LRRC4C: variants seen among roughly 807,000 people sequenced by gnomAD.
LRRC4C encodes the protein leucine-rich repeat-containing protein 4C.
LRRC4C carries 5 observed loss-of-function variants against 33.6 expected under a neutral mutation model. The observed-to-expected ratio is 0.15, with a 90% CI of 0.08 to 0.31. LRRC4C has a LOEUF of 0.31. Ranked by LOEUF, LRRC4C falls within the 10% of genes least tolerant of loss-of-function variation. The pLI, the probability that LRRC4C is intolerant of heterozygous loss-of-function variation, is 1.00. For synonymous variants in LRRC4C, 329 were observed against 302.0 expected (o/e 1.09, Z -0.93); for missense variants, 560 against 796.7 (o/e 0.70, Z 3.58).
chr11:41,146,567 C>T (rs1457257160), intron 1 of LRRC4C, among the ~76,000 whole-genome samples: 1 of 152,194 alleles, frequency 6.6e-6, no homozygotes, highest in East Asian at 1.9e-4. Context: ...ACAGCATTCC[C>T]TCAGCTCATT....
chr11:40,369,033 T>C (rs1948335063), intron 3 of LRRC4C, among the ~76,000 whole-genome samples: 1 of 152,222 alleles, frequency 6.6e-6, no homozygotes, highest in Non-Finnish European at 1.5e-5. Context: ...TAATGGTTGA[T>C]ACATAATAAG....
intron 4 of LRRC4C, among the ~76,000 whole-genome samples, chr11:40,300,019 T>G (rs1944693504): frequency 1.3e-5 from 2 of 152,162 alleles, no homozygotes; most frequent in African/African-American, 4.8e-5. Context: ...ACAGGAAGCA[T>G]GGTAGCATAT....
chr11:40,248,577 C>A (rs545039351), intron 4 of LRRC4C, among the ~76,000 whole-genome samples: 1 of 152,130 alleles, frequency 6.6e-6, no homozygotes, highest in South Asian at 2.1e-4. Context: ...GTGGTATGAC[C>A]CCGTAGTCCC....
intron 2 of LRRC4C, among the ~76,000 whole-genome samples, chr11:40,766,185 T>C (rs549972660): frequency 6.7e-6 from 1 of 149,538 alleles, no homozygotes; most frequent in South Asian, 2.1e-4. Context: ...ATATTTGAAG[T>C]GTTAAGGAAA....
intron 2 of LRRC4C, among the ~76,000 whole-genome samples, chr11:40,877,689 T>C (rs1330892246): frequency 6.6e-6 from 1 of 152,162 alleles, no homozygotes; most frequent in Non-Finnish European, 1.5e-5. Flanking sequence ...CCACTAAGAA[T>C]GATGTTCTCA....
At chr11:40,346,134 G>A (rs750846865) in intron 3 of LRRC4C, among the ~76,000 whole-genome samples, 1 of 152,012 alleles carries the variant, frequency 6.6e-6, no homozygotes, top group African/African-American at 2.4e-5. Flanking sequence ...TGCAGAAGAC[G>A]GTGTGGTGAT....
intron 3 of LRRC4C, among the ~76,000 whole-genome samples, chr11:40,384,979 T>A (rs1590552367): frequency 1.3e-5 from 2 of 152,300 alleles, no homozygotes; most frequent in South Asian, 4.1e-4. Context: ...TTTTGCATAT[T>A]TTTGTATTGT....
chr11:40,846,900 A>G (rs564632384), intron 2 of LRRC4C, among the ~76,000 whole-genome samples: 2 of 152,076 alleles, frequency 1.3e-5, no homozygotes, highest in East Asian at 3.9e-4. Flanking sequence ...ATTTCTAGGT[A>G]ATTTATTCTC....
intron 1 of LRRC4C, among the ~76,000 whole-genome samples, chr11:41,075,436 T>C (rs937435722): frequency 2.0e-5 from 3 of 152,142 alleles, no homozygotes; most frequent in African/African-American, 7.2e-5. Flanking sequence ...TTTAAATTTT[T>C]CTCCTTTACC....
At chr11:41,114,104 T>C (rs1301126723) in intron 1 of LRRC4C, among the ~76,000 whole-genome samples, 2 of 152,086 alleles carry the variant, frequency 1.3e-5, no homozygotes, top group Admixed American at 6.6e-5. Context: ...TTTATCAATA[T>C]AGGACCTTAT....
intron 3 of LRRC4C, among the ~76,000 whole-genome samples, chr11:40,393,722 G>GTGTATTGTATCT (rs1285264740): frequency 1.3e-5 from 2 of 152,064 alleles, no homozygotes; most frequent in African/African-American, 4.8e-5. Context: ...AGGATGCAAT[G>GTGTATTGTATCT]GTCCTTTAAT....
chr11:40,400,733 G>T (rs1310716642), intron 3 of LRRC4C, among the ~76,000 whole-genome samples: 2 of 151,984 alleles, frequency 1.3e-5, no homozygotes, highest in Non-Finnish European at 2.9e-5. Context: ...AAACTACAAG[G>T]AATAATCATT....
intron 3 of LRRC4C, among the ~76,000 whole-genome samples, chr11:40,642,039 C>T (rs1316402122): frequency 3.7e-5 from 5 of 135,522 alleles, no homozygotes; most frequent in Admixed American, 7.5e-5. Context: ...TTTTTTTTAA[C>T]TCATTGTAAT....
chr11:40,672,245 G>A (rs1013784431), intron 2 of LRRC4C, among the ~76,000 whole-genome samples: 1 of 152,114 alleles, frequency 6.6e-6, no homozygotes, highest in African/African-American at 2.4e-5. Context: ...CTCATGGTGG[G>A]AGGAGTGAGG....
chr11:40,593,617 T>C (rs1223281006), intron 3 of LRRC4C, among the ~76,000 whole-genome samples: 1 of 152,216 alleles, frequency 6.6e-6, no homozygotes, highest in Non-Finnish European at 1.5e-5. Context: ...TCAGCTGCTA[T>C]GTAACTCTAA....
chr11:41,317,298 T>A (rs1221791630), intron 1 of LRRC4C, among the ~76,000 whole-genome samples: 1 of 152,066 alleles, frequency 6.6e-6, no homozygotes, highest in Non-Finnish European at 1.5e-5. Context: ...CGATTTCAAA[T>A]GATAAGTGGA....
At chr11:40,289,105 T>C (rs997032635) in intron 4 of LRRC4C, among the ~76,000 whole-genome samples, 7 of 152,236 alleles carry the variant, frequency 4.6e-5, no homozygotes, top group Admixed American at 4.6e-4. Context: ...TGAGCCAATC[T>C]GTCCTGATAA....
chr11:40,586,443 T>C (rs1255530561), intron 3 of LRRC4C, among the ~76,000 whole-genome samples: 2 of 148,638 alleles, frequency 1.3e-5, no homozygotes, highest in East Asian at 2.0e-4. Flanking sequence ...ACTCTGATGG[T>C]AGTTTCTTTT....
At chr11:40,510,689 T>C (rs1245261238) in intron 3 of LRRC4C, among the ~76,000 whole-genome samples, 1 of 152,116 alleles carries the variant, frequency 6.6e-6, no homozygotes, top group African/African-American at 2.4e-5. Flanking sequence ...CAACTCACAA[T>C]GTGAGTGCTT....
Sources: allele counts gnomAD v4.1 joint callset (sites outside exome capture counted in the v4.1 genomes callset), GRCh38; gene constraint gnomAD v4.1.1; transcripts MANE v1.5; gene names NCBI Gene and HGNC (gene_info 2026-07-23, HGNC 2026-07-21).